Variants in CGNL1 observed in about 807,000 individuals in gnomAD.
CGNL1 encodes cingulin like 1, also known as cingulin-like protein 1.
A neutral mutation model predicts 141.2 loss-of-function variants in CGNL1; 132 were observed. The observed-to-expected ratio is 0.93, with a 90% CI of 0.81 to 1.08. The LOEUF (loss-of-function observed/expected upper bound fraction) is 1.08. Ranked by LOEUF, CGNL1 falls within the 50% of genes least tolerant of loss-of-function variation. The pLI, the probability that CGNL1 is intolerant of heterozygous loss-of-function variation, is 0.00. For missense variants in CGNL1, 1,870 were observed against 1,588.6 expected (o/e 1.18, Z -3.01); for synonymous variants, 690 against 622.1 (o/e 1.11, Z -1.63).
chr15:57,469,192 C>G (rs547492299), intron 8 of CGNL1, among the ~76,000 whole-genome samples: 1 of 151,822 alleles, frequency 6.6e-6, no homozygotes, highest in East Asian at 1.9e-4. Context: ...GGAGACCCCG[C>G]AGGGAGCATG....
At chr15:57,514,940 A>G (rs1015817576) in intron 8 of CGNL1, among the ~76,000 whole-genome samples, 2 of 152,052 alleles carry the variant, frequency 1.3e-5, no homozygotes, top group Non-Finnish European at 2.9e-5. Flanking sequence ...TGAACTCCCA[A>G]TTCTGTTTCA....
intron 8 of CGNL1, among the ~76,000 whole-genome samples, chr15:57,475,492 G>GGTGTGTGTGT (rs72168222): frequency 7.0e-4 from 103 of 147,918 alleles, no homozygotes; most frequent in African/African-American, 2.3e-3. Context: ...ATACAAGTGT[G>GGTGTGTGTGT]GTGTGTGTGT....
At chr15:57,502,860 C>T (rs1450114741) in intron 8 of CGNL1, among the ~76,000 whole-genome samples, 3 of 152,128 alleles carry the variant, frequency 2.0e-5, no homozygotes, top group Admixed American at 6.5e-5. Flanking sequence ...AAATGAGGCT[C>T]GGAGAAGTTG....
rs995341891 is a variant in CGNL1, at chr15:57,532,863, T to C, written c.3291+1084T>C. Among the ~76,000 whole-genome samples, 6 of 152,342 alleles carry C rather than the reference T, an allele frequency of 3.9e-5. 1 individual carries two copies. In the South Asian group the frequency reaches 1.2e-3, roughly 32 times the overall value. On this transcript the variant is annotated intron_variant, in intron 14 of 18. Transcript: ENST00000281282. ...CCAATAGATTGTTATTCATAACCACTTGGGAAACTTCCACTTTCTGCCTTA... is the reference window on the plus strand; with the variant it reads ...CCAATAGATTGTTATTCATAACCACCTGGGAAACTTCCACTTTCTGCCTTA...
intron 1 of CGNL1, among the ~76,000 whole-genome samples, chr15:57,416,916 T>C (rs1166763295): frequency 6.6e-6 from 1 of 152,162 alleles, no homozygotes; most frequent in Admixed American, 6.5e-5. Context: ...GCTACAATAG[T>C]AGCTGTTGTA....
At position 57,525,150 on chromosome 15, in the gene CGNL1, T is replaced by C. The variant is rs563939399; in HGVS notation, c.3039+399T>C. 1.4e-4 allele frequency among the ~76,000 whole-genome samples: 21 copies of C among 152,306 alleles called. No homozygotes were observed. The South Asian group carries it at 4.4e-3, about 32-fold the overall frequency. ...TTTTTTGGCCATTGATTTTTGAAAA[T>C]ACAGACTTTTATTGGCATGAGGGTG... On this transcript the variant is annotated intron_variant, in intron 12 of 18. Coordinates refer to ENST00000281282, the MANE Select transcript of CGNL1 (RefSeq NM_032866.5).
intron 1 of CGNL1, among the ~76,000 whole-genome samples, chr15:57,381,904 T>C (rs2062429345): frequency 6.6e-6 from 1 of 152,234 alleles, no homozygotes; most frequent in South Asian, 2.1e-4. Context: ...GCTGCTTTTC[T>C]AGGTGTCTTA....
chr15:57,404,291 C>G (rs369173528), intron 1 of CGNL1, among the ~76,000 whole-genome samples: 15 of 152,170 alleles, frequency 9.9e-5, no homozygotes, highest in African/African-American at 3.6e-4. Flanking sequence ...TTTCAATTTG[C>G]ATCTACCTGC....
intron 10 of CGNL1, among the ~76,000 whole-genome samples, chr15:57,523,252 T>C (rs2031387165): frequency 1.3e-5 from 2 of 152,264 alleles, no homozygotes; most frequent in Admixed American, 6.5e-5. Flanking sequence ...ACGTTGTTTG[T>C]CTGCCCCTTC....
intron 1 of CGNL1, among the ~76,000 whole-genome samples, chr15:57,380,054 T>C (rs2062408198): frequency 6.6e-6 from 1 of 152,120 alleles, no homozygotes; most frequent in Admixed American, 6.5e-5. Context: ...TTTTTGTTAT[T>C]TGAGACTCTG....
intron 8 of CGNL1, among the ~76,000 whole-genome samples, chr15:57,474,006 G>A (rs1454005745): frequency 6.7e-6 from 1 of 148,438 alleles, no homozygotes; most frequent in Non-Finnish European, 1.5e-5. Flanking sequence ...TCCCTCCCGG[G>A]TTCAAGCGAT....
Position 57,448,378 on chromosome 15 carries a change from G to A in CGNL1, c.1804-3122G>A, listed in dbSNP as rs145672116. Among the ~76,000 whole-genome samples the A allele has an allele frequency of 3.9e-3, 597 of 152,268 alleles. 3 individuals are homozygous for A. Among genetic ancestry groups the A allele is most frequent in the African/African-American group, 0.014 (571 of 41,538 alleles). ...GATTAAAAAAAAAGGGCCAGGCATG[G>A]TGGTTCATGCCTGTAATCCCAGAAC... is the stretch of plus-strand genomic sequence containing the variant. On this transcript the variant is annotated intron_variant, in intron 4 of 18. Transcript: ENST00000281282.
intron 8 of CGNL1, among the ~76,000 whole-genome samples, chr15:57,507,634 G>C (rs1010641492): frequency 6.6e-6 from 1 of 152,208 alleles, no homozygotes; most frequent in South Asian, 2.1e-4. Context: ...ATTAAGCAAG[G>C]TATATGTAAA....
chr15:57,471,737 T>A, intron 8 of CGNL1, among the ~76,000 whole-genome samples: 1 of 152,226 alleles, frequency 6.6e-6, no homozygotes. Flanking sequence ...TCAGATTTCG[T>A]GTTCAATAGT....
At chr15:57,507,377 A>G (rs1226309831) in intron 8 of CGNL1, among the ~76,000 whole-genome samples, 3 of 152,192 alleles carry the variant, frequency 2.0e-5, no homozygotes, top group African/African-American at 4.8e-5. Context: ...TCTTGGACCT[A>G]TATTTTAATT....
intron 1 of CGNL1, among the ~76,000 whole-genome samples, chr15:57,414,065 T>C (rs2062822610): frequency 1.3e-5 from 2 of 152,206 alleles, no homozygotes; most frequent in Non-Finnish European, 2.9e-5. Context: ...ACTAAAGTGA[T>C]CTGGATGTAA....
intron 1 of CGNL1, among the ~76,000 whole-genome samples, chr15:57,381,336 G>C (rs1257192852): frequency 2.0e-5 from 3 of 152,174 alleles, no homozygotes; most frequent in Admixed American, 6.6e-5. Context: ...GAGGCAGGTG[G>C]ATCCCTTGAG....
chr15:57,511,105 C>T (rs2030265894), intron 8 of CGNL1, among the ~76,000 whole-genome samples: 3 of 152,082 alleles, frequency 2.0e-5, no homozygotes, highest in Admixed American at 2.0e-4. Context: ...GTTGAATTTC[C>T]ATGGTTCAAA....
chr15:57,389,800 C>A (rs1173969537), intron 1 of CGNL1, among the ~76,000 whole-genome samples: 1 of 151,978 alleles, frequency 6.6e-6, no homozygotes, highest in Non-Finnish European at 1.5e-5. Context: ...ACAAGCAATC[C>A]CAGATCTCAG....
Sources: gnomAD v4.1 joint callset for allele counts (sites outside exome capture counted in the v4.1 genomes callset) on GRCh38, gnomAD v4.1.1 for gene constraint, MANE v1.5 for transcripts, NCBI Gene and HGNC (gene_info 2026-07-23, HGNC 2026-07-21) for gene names.